The following NOX4 variants were observed in gnomAD, a reference collection of about 807,000 sequenced individuals.
NOX4 encodes the protein NADPH oxidase 4, also known as kidney oxidase-1.
In NOX4, 69 loss-of-function variants were observed where a neutral mutation model predicts 87.6. The ratio of observed to expected loss-of-function variants is 0.79; its 90% CI spans 0.65 to 0.96. NOX4 has a LOEUF of 0.96. Among genes scored for constraint, NOX4 ranks in the 40% least tolerant of loss-of-function variants. The pLI is 0.00. For missense variants in NOX4, 680 were observed against 681.5 expected (o/e 1.00, Z 0.02); for synonymous variants, 275 against 238.2 (o/e 1.15, Z -1.42).
intron 2 of NOX4, among the ~76,000 whole-genome samples, chr11:89,455,744 A>ATATATATATATATATATATATATATG (rs1163284365): frequency 5.1e-4 from 75 of 146,864 alleles, no homozygotes; most frequent in African/African-American, 1.9e-3. Context: ...ATATATATAT[A>ATATATATATATATATATATATATATG]TGAAACAAAA....
intron 8 of NOX4, among the ~76,000 whole-genome samples, chr11:89,406,628 G>A (rs918834864): frequency 1.3e-5 from 2 of 152,120 alleles, no homozygotes; most frequent in African/African-American, 2.4e-5. Context: ...TTCTGTGATA[G>A]TGGAAATGGT....
At chr11:89,468,499 G>A (rs999504700) in intron 2 of NOX4, among the ~76,000 whole-genome samples, 4 of 152,096 alleles carry the variant, frequency 2.6e-5, no homozygotes, top group African/African-American at 9.7e-5. Context: ...TTTTAAGATT[G>A]TGTTATCTTT....
chr11:89,337,606 A>C, intron 15 of NOX4, 91 bp from the exon 16 acceptor site: 4 of 1,547,164 alleles, frequency 2.6e-6, no homozygotes, highest in Non-Finnish European at 3.5e-6. Context: ...TCTAGAATTT[A>C]ACACAACCTA....
chr11:89,357,353 C>T (rs532625171), intron 12 of NOX4, among the ~76,000 whole-genome samples: 1 of 152,174 alleles, frequency 6.6e-6, no homozygotes, highest in South Asian at 2.1e-4. Context: ...GAATTATACT[C>T]TTTTAGTTCA....
intron 11 of NOX4, among the ~76,000 whole-genome samples, chr11:89,399,442 T>TAAATATATATATAA (rs556140776): frequency 4.1e-4 from 51 of 125,754 alleles, no homozygotes; most frequent in Admixed American, 3.4e-3. Context: ...AATATATATA[T>TAAATATATATATAA]ATATATATAT....
At chr11:89,412,120 C>T (rs1361315663) in intron 8 of NOX4, among the ~76,000 whole-genome samples, 1 of 151,992 alleles carries the variant, frequency 6.6e-6, no homozygotes, top group Non-Finnish European at 1.5e-5. Context: ...GATGAGATAA[C>T]AATTGTAAAT....
chr11:89,519,854 T>G, the NOX4 span, among the ~76,000 whole-genome samples: 4 of 152,216 alleles, frequency 2.6e-5, no homozygotes, highest in South Asian at 8.3e-4. Flanking sequence ...CTGTGAATGT[T>G]GACCTAACTC....
chr11:89,587,300 T>C, the NOX4 span, among the ~76,000 whole-genome samples: 90 of 152,318 alleles, frequency 5.9e-4, 2 homozygotes, highest in Admixed American at 4.3e-3. Context: ...GATGCCGCTA[T>C]ATAGGTACAT....
chr11:89,351,556 A>T (rs1946456637), intron 13 of NOX4, among the ~76,000 whole-genome samples: 1 of 152,182 alleles, frequency 6.6e-6, no homozygotes, highest in Non-Finnish European at 1.5e-5. Flanking sequence ...GCTTCAAAGG[A>T]TAGACTAACT....
chr11:89,539,447 A>T, the NOX4 span, among the ~76,000 whole-genome samples: 1 of 152,088 alleles, frequency 6.6e-6, no homozygotes, highest in African/African-American at 2.4e-5. Context: ...AAAAATTAAT[A>T]TAATAAATAA....
rs114144367 is a variant in NOX4 at position 89,326,466 on chromosome 11, T to G, written c.*290A>C. On this transcript the variant is annotated 3_prime_UTR_variant, in exon 18 of 18. Coordinates refer to ENST00000263317, the MANE Select transcript of NOX4 (RefSeq NM_016931.5). ...AGTTCAGCTCCTCACTAGGGAGTTC[T>G]TGAATCCACCATGAAAATCAACAGT... 8.8e-3 allele frequency: 1,887 copies of G among 213,492 alleles called. 27 individuals carry two copies. The highest frequency in any genetic ancestry group is 0.04 in the African/African-American group (1,725 of 43,212). The allele number at this position is 213,492 out of a possible 1,614,324, so 13.2% of individuals were successfully genotyped here. A position where few individuals can be genotyped will look rare whatever the true frequency, so the allele number is the denominator to read the frequency against.
chr11:89,430,883 G>A (rs1233659978), intron 7 of NOX4, among the ~76,000 whole-genome samples: 1 of 152,132 alleles, frequency 6.6e-6, no homozygotes, highest in Non-Finnish European at 1.5e-5. Context: ...CCAAAAAAGA[G>A]CCTGCATTGC....
intron 6 of NOX4, among the ~76,000 whole-genome samples, chr11:89,438,352 ACT>A (rs1032535436): frequency 1.0e-4 from 12 of 115,872 alleles, no homozygotes; most frequent in African/African-American, 4.0e-4. Flanking sequence ...TACTATATAT[ACT>A]ATATATTATA....
At chr11:89,467,110 A>G (rs959782447) in intron 2 of NOX4, among the ~76,000 whole-genome samples, 1 of 152,008 alleles carries the variant, frequency 6.6e-6, no homozygotes, top group Non-Finnish European at 1.5e-5. Flanking sequence ...GCACTTTGGG[A>G]GGCCAAGGCA....
At chr11:89,505,297 T>C in the NOX4 span, among the ~76,000 whole-genome samples, 1 of 151,946 alleles carries the variant, frequency 6.6e-6, no homozygotes, top group African/African-American at 2.4e-5. Context: ...ACAAGCTAAG[T>C]CACTGTCTAT....
the NOX4 span, among the ~76,000 whole-genome samples, chr11:89,562,357 T>G: frequency 6.6e-6 from 1 of 152,058 alleles, no homozygotes; most frequent in Non-Finnish European, 1.5e-5. Flanking sequence ...TGGAAGCTTT[T>G]TGTTAGATAA....
chr11:89,448,319 G>T (rs917303994), intron 4 of NOX4, among the ~76,000 whole-genome samples: 2 of 152,070 alleles, frequency 1.3e-5, no homozygotes, highest in Non-Finnish European at 2.9e-5. Flanking sequence ...GGACTCCTCG[G>T]AATCCATGTC....
At chr11:89,506,455 A>G in the NOX4 span, among the ~76,000 whole-genome samples, 7 of 151,912 alleles carry the variant, frequency 4.6e-5, no homozygotes, top group Non-Finnish European at 8.8e-5. Flanking sequence ...CATAGACCTA[A>G]ATGTAAAGCC....
chr11:89,448,673 G>C (rs751286021), intron 4 of NOX4, among the ~76,000 whole-genome samples: 4 of 152,122 alleles, frequency 2.6e-5, no homozygotes, highest in Non-Finnish European at 5.9e-5. Flanking sequence ...CTTGAGCTCA[G>C]AAGTTCGAGA....
Sources: gnomAD v4.1 joint callset for allele counts (sites outside exome capture counted in the v4.1 genomes callset) on GRCh38, gnomAD v4.1.1 for gene constraint, MANE v1.5 for transcripts, NCBI Gene and HGNC (gene_info 2026-07-23, HGNC 2026-07-21) for gene names.